The following TTLL5 variants were observed in gnomAD, a reference collection of about 807,000 sequenced individuals.
TTLL5 encodes the protein tubulin tyrosine ligase like 5.
A neutral mutation model predicts 168.4 loss-of-function variants in TTLL5; 132 were observed. The ratio of observed to expected loss-of-function variants is 0.78; its 90% CI spans 0.68 to 0.91. TTLL5 has a LOEUF of 0.91. Ranked by LOEUF, TTLL5 falls within the 40% of genes least tolerant of loss-of-function variation. TTLL5 has a pLI of 0.00. For missense variants in TTLL5, 1,545 were observed against 1,581.5 expected, an observed-to-expected ratio of 0.98 and a Z score of 0.39; for synonymous variants, 546 against 558.6, an observed-to-expected ratio of 0.98 and a Z score of 0.32.
intron 28 of TTLL5, among the ~76,000 whole-genome samples, chr14:75,855,508 A>G (rs1897087498): frequency 6.6e-6 from 1 of 152,230 alleles, no homozygotes; most frequent in Non-Finnish European, 1.5e-5. Flanking sequence ...TGGAGCAGAT[A>G]AAACTTGCCC....
At chr14:75,865,799 A>G (rs780140155) in intron 29 of TTLL5, among the ~76,000 whole-genome samples, 1 of 152,232 alleles carries the variant, frequency 6.6e-6, no homozygotes, top group Non-Finnish European at 1.5e-5. Context: ...GTTTCACTGA[A>G]TTATGAAGTA....
At chr14:75,687,847 A>G (rs1466255682) in intron 5 of TTLL5, among the ~76,000 whole-genome samples, 1 of 152,220 alleles carries the variant, frequency 6.6e-6, no homozygotes, top group African/African-American at 2.4e-5. Flanking sequence ...GCTCAATAGC[A>G]TTAGTAATTA....
chr14:75,855,643 A>G (rs1264163772), intron 28 of TTLL5, among the ~76,000 whole-genome samples: 2 of 152,202 alleles, frequency 1.3e-5, no homozygotes, highest in African/African-American at 2.4e-5. Flanking sequence ...CCTAAATTCT[A>G]TGTAGAAAGT....
rs545976514 is a variant in TTLL5, at chr14:75,865,269, T to G, written c.3522+1407T>G. On this transcript the variant is annotated intron_variant, in intron 29 of 31. Transcript: ENST00000298832. ...ACAAATGTGTGTCTTAGTTGTTGTT[T>G]TTTTTTTTTAATCTGTGTTCTTAAA... 2.7e-3 allele frequency among the ~76,000 whole-genome samples: 405 copies of G among 151,978 alleles called. 1 individual carries two copies. The highest frequency in any genetic ancestry group is 8.0e-3 in the African/African-American group (330 of 41,454).
chr14:75,928,422 A>T (rs1380288953), intron 31 of TTLL5, among the ~76,000 whole-genome samples: 1 of 143,994 alleles, frequency 6.9e-6, no homozygotes, highest in Non-Finnish European at 1.5e-5. Context: ...TATTTTATTT[A>T]TAAAATTCAT....
At chr14:75,722,337 C>T (rs762507904) in intron 12 of TTLL5, among the ~76,000 whole-genome samples, 5 of 152,062 alleles carry the variant, frequency 3.3e-5, no homozygotes, top group Non-Finnish European at 7.4e-5. Context: ...CCTCCACCTC[C>T]TGGGCCCAAG....
Position 75,700,172 on chromosome 14 carries a change from C to T in TTLL5, c.585+902C>T, listed in dbSNP as rs543734966. ...GGAAATATTAGGATAGGTAGCTGGG[C>T]AGACATGAGCCGGGCATGAGAGGGC... On this transcript the variant is annotated intron_variant, in intron 7 of 31. Transcript: ENST00000298832. Among the ~76,000 whole-genome samples the T allele has an allele frequency of 3.9e-5, 6 of 152,298 alleles. No individual in the cohort carries two copies. The South Asian group carries it at 6.2e-4, about 16-fold the overall frequency.
At chr14:75,944,683 G>A (rs924751384) in intron 31 of TTLL5, among the ~76,000 whole-genome samples, 1 of 149,050 alleles carries the variant, frequency 6.7e-6, no homozygotes, top group Non-Finnish European at 1.5e-5. Context: ...AATGTCAGGT[G>A]ACCATCAGGT....
intron 28 of TTLL5, among the ~76,000 whole-genome samples, chr14:75,863,267 TG>T (rs755799178): frequency 3.3e-4 from 50 of 152,240 alleles, no homozygotes; most frequent in Non-Finnish European, 6.2e-4. Context: ...TTGAAGTTGA[TG>T]TTAGAGAAAA....
At chr14:75,929,911 C>T (rs942025596) in intron 31 of TTLL5, among the ~76,000 whole-genome samples, 2 of 152,158 alleles carry the variant, frequency 1.3e-5, no homozygotes, top group African/African-American at 4.8e-5. Context: ...TTACCAAACT[C>T]AGTTTAAAGT....
In TTLL5 at chr14:75,946,368, A is replaced by T. The variant is rs187984241; in HGVS notation, c.3824-8056A>T. 4.6e-5 allele frequency among the ~76,000 whole-genome samples: 7 copies of T among 152,338 alleles called. No homozygotes were observed. In the East Asian group the frequency reaches 5.8e-4, roughly 13 times the overall value. On this transcript the variant is annotated intron_variant, in intron 31 of 31. Coordinates refer to ENST00000298832, the MANE Select transcript of TTLL5 (RefSeq NM_015072.5). Reference sequence around the variant, plus strand: ...CAATTGTTAAATGAATAAAGTATTTAAAAAAATAGAAAACTTCCAAAGTAG... The same window carrying T: ...CAATTGTTAAATGAATAAAGTATTTTAAAAAATAGAAAACTTCCAAAGTAG...
At chr14:75,750,411 G>A (rs1889876472) in intron 17 of TTLL5, among the ~76,000 whole-genome samples, 1 of 151,250 alleles carries the variant, frequency 6.6e-6, no homozygotes. Flanking sequence ...TAAGCAACAT[G>A]GATTTGAAGT....
chr14:75,791,614 T>G (rs1378081759), intron 26 of TTLL5, among the ~76,000 whole-genome samples: 2 of 152,196 alleles, frequency 1.3e-5, no homozygotes, highest in Admixed American at 1.3e-4. Flanking sequence ...CATAGGTTAG[T>G]ACATATTGTT....
At position 75,869,821 on chromosome 14, in the gene TTLL5, A is replaced by ATTTTTTTTTTTTTTTTTT. The variant is rs10658095; in HGVS notation, c.3522+5975_3522+5976insTTTTTTTTTTTTTTTTTT. ...CTTGCAATGTATACATTCAACAAGT[A>ATTTTTTTTTTTTTTTTTT]TTTTTTTTTTTTTTTTGCGATGGAG... On this transcript the variant is annotated intron_variant, in intron 29 of 31. Coordinates refer to ENST00000298832, the MANE Select transcript of TTLL5 (RefSeq NM_015072.5). Among the ~76,000 whole-genome samples the ATTTTTTTTTTTTTTTTTT allele has an allele frequency of 2.5e-3, 206 of 82,414 alleles. 45 individuals carry two copies. Among genetic ancestry groups the ATTTTTTTTTTTTTTTTTT allele is most frequent in the East Asian group, 3.9e-3 (9 of 2,318 alleles). The allele number at this position is 82,414 out of a possible 152,430, so 54.1% of individuals were successfully genotyped here. A position where few individuals can be genotyped will look rare whatever the true frequency, so the allele number is the denominator to read the frequency against.
At chr14:75,744,814 A>T (rs373355067) in intron 15 of TTLL5, 3 of 213,148 alleles carry the variant, frequency 1.4e-5, no homozygotes, top group African/African-American at 6.8e-5. Context: ...GTTAAATACT[A>T]GCTTAGAAAG....
chr14:75,760,125 A>G (rs1045040565), intron 18 of TTLL5, among the ~76,000 whole-genome samples: 3 of 152,250 alleles, frequency 2.0e-5, no homozygotes, highest in African/African-American at 7.2e-5. Context: ...CTACAAGAAC[A>G]CAGAAGTGAA....
chr14:75,821,696 G>A (rs922095520), intron 28 of TTLL5, among the ~76,000 whole-genome samples: 1 of 152,164 alleles, frequency 6.6e-6, no homozygotes, highest in African/African-American at 2.4e-5. Context: ...GATGAAAGAT[G>A]ATGAGTTCGG....
chr14:75,810,064 AT>A (rs1345406510), intron 27 of TTLL5, among the ~76,000 whole-genome samples: 1 of 152,056 alleles, frequency 6.6e-6, no homozygotes, highest in Non-Finnish European at 1.5e-5. Flanking sequence ...TGTTTTCCAT[AT>A]TGACTGTGCT....
intron 20 of TTLL5, among the ~76,000 whole-genome samples, chr14:75,771,440 T>C (rs965726693): frequency 2.0e-5 from 3 of 152,058 alleles, no homozygotes; most frequent in Non-Finnish European, 2.9e-5. Context: ...AAAAAAAATT[T>C]CAAAGAGAAG....
Sources: gnomAD v4.1 joint callset for allele counts (sites outside exome capture counted in the v4.1 genomes callset) on GRCh38, gnomAD v4.1.1 for gene constraint, MANE v1.5 for transcripts, NCBI Gene and HGNC (gene_info 2026-07-23, HGNC 2026-07-21) for gene names.